Variants in TMCC1 observed in about 807,000 individuals in gnomAD.
TMCC1 encodes transmembrane and coiled-coil domain family 1, also known as transmembrane and coiled-coil domains protein 1.
A neutral mutation model predicts 52.4 loss-of-function variants in TMCC1; 15 were observed. That is an observed-to-expected ratio of 0.29 (90% CI 0.19 to 0.44). The LOEUF is 0.44. TMCC1 is among the 20% of genes least tolerant of loss of function. The pLI, the probability that TMCC1 is intolerant of heterozygous loss-of-function variation, is 1.00. For synonymous variants in TMCC1, 279 were observed against 301.9 expected (o/e 0.92, Z 0.79); for missense variants, 503 against 806.0 (o/e 0.62, Z 4.55).
At chr3:129,763,259 T>TA (rs1249650861) in intron 4 of TMCC1, among the ~76,000 whole-genome samples, 1 of 146,690 alleles carries the variant, frequency 6.8e-6, no homozygotes, top group East Asian at 2.0e-4. Context: ...AATATCATTA[T>TA]ATAGCCAGGT....
chr3:129,810,207 A>C (rs964943225), intron 4 of TMCC1, among the ~76,000 whole-genome samples: 1 of 152,072 alleles, frequency 6.6e-6, no homozygotes, highest in Non-Finnish European at 1.5e-5. Flanking sequence ...AACATACAAA[A>C]ATTAGCTGGG....
chr3:129,892,550 T>C (rs545112103), intron 1 of TMCC1: 1 of 152,180 alleles, frequency 6.6e-6, no homozygotes, highest in East Asian at 1.9e-4. Context: ...AAGAACAGAA[T>C]AAGCTAATTT....
chr3:129,688,417 T>C (rs1258913035), intron 4 of TMCC1: 1 of 985,458 alleles, frequency 1.0e-6, no homozygotes, highest in Non-Finnish European at 1.2e-6. Context: ...CCACTGGGAA[T>C]GCTTTCCCCC....
At chr3:129,749,866 A>G (rs1451314419) in intron 4 of TMCC1, among the ~76,000 whole-genome samples, 1 of 147,092 alleles carries the variant, frequency 6.8e-6, no homozygotes. Flanking sequence ...ATTTGAATCT[A>G]TGATTCAAAT....
chr3:129,742,413 AACAG>A (rs1380439158), intron 4 of TMCC1, among the ~76,000 whole-genome samples: 1 of 152,176 alleles, frequency 6.6e-6, no homozygotes, highest in Non-Finnish European at 1.5e-5. Flanking sequence ...AGAGGACCTG[AACAG>A]ACAGTTCTTC....
At chr3:129,795,376 C>G (rs909194331) in intron 4 of TMCC1, among the ~76,000 whole-genome samples, 13 of 152,166 alleles carry the variant, frequency 8.5e-5, no homozygotes, top group Non-Finnish European at 1.6e-4. Flanking sequence ...TTTAATGAAA[C>G]TTTCCAGTCT....
chr3:129,850,438 G>A (rs996415948), intron 2 of TMCC1, among the ~76,000 whole-genome samples: 1 of 152,134 alleles, frequency 6.6e-6, no homozygotes, highest in Non-Finnish European at 1.5e-5. Context: ...GAAATAACTT[G>A]CATCCAAAAT....
chr3:129,726,043 A>T (rs985670262), intron 4 of TMCC1, among the ~76,000 whole-genome samples: 1 of 152,220 alleles, frequency 6.6e-6, no homozygotes, highest in Admixed American at 6.5e-5. Context: ...GTATAGGTAC[A>T]GACAGGTACC....
rs755229838 is a variant in TMCC1 at position 129,651,527 on chromosome 3, T to A, written c.1916A>T (p.Asp639Val). The A allele has an allele frequency of 1.9e-6, 3 of 1,613,962 alleles. No individual in the cohort carries two copies. The African/African-American group carries it at 4.0e-5, about 22-fold the overall frequency. The change falls in exon 7 of 7, where the codon GAC becomes GTC. Residue 639 changes from aspartate to valine, a missense_variant. Transcript: ENST00000393238. This position sits in a 1 kb window ranked among gnomAD's most constrained non-coding sequence, Gnocchi z 5.1. ...VFIAFLWKHW[D>V]ALFSYVERFF... ...CCGTTCCACATAGCTGAAGAGGGCG[T>A]CCCAGTGCTTCCAGAGAAAGGCAAT...
At chr3:129,681,439 A>T (rs1340561071) in intron 4 of TMCC1, among the ~76,000 whole-genome samples, 2 of 152,028 alleles carry the variant, frequency 1.3e-5, no homozygotes, top group African/African-American at 2.4e-5. Context: ...AAGAATGATA[A>T]GTAGTCAACG....
chr3:129,721,058 C>T (rs954370478), intron 4 of TMCC1, among the ~76,000 whole-genome samples: 1 of 152,118 alleles, frequency 6.6e-6, no homozygotes, highest in Non-Finnish European at 1.5e-5. Context: ...TATTAAATCT[C>T]TCACACTCCC....
In TMCC1 at chr3:129,755,554, G is replaced by A. The variant is rs139815750; in HGVS notation, c.576+72249C>T. Among the ~76,000 whole-genome samples the A allele has an allele frequency of 7.4e-3, 1,123 of 152,174 alleles. 6 individuals are homozygous for A. The highest frequency in any genetic ancestry group is 0.011 in the Non-Finnish European group (745 of 67,996). On this transcript the variant is annotated intron_variant, in intron 4 of 6. Coordinates refer to ENST00000393238, the MANE Select transcript of TMCC1 (RefSeq NM_001017395.5). ...TAAAGAACTCTAAAACCTCAATAAT[G>A]AGAAAACAATATAATTTAAAATGGG...
At chr3:129,713,795 A>C (rs1375917838) in intron 4 of TMCC1, among the ~76,000 whole-genome samples, 1 of 152,078 alleles carries the variant, frequency 6.6e-6, no homozygotes, top group African/African-American at 2.4e-5. Context: ...CAGTTACAAT[A>C]AGCTTCTTCT....
chr3:129,709,497 A>AGAG (rs1553838680), intron 4 of TMCC1, among the ~76,000 whole-genome samples: 34 of 64,064 alleles, frequency 5.3e-4, no homozygotes, highest in East Asian at 4.6e-3. Flanking sequence ...AAAAAAAAAA[A>AGAG]AGAGAGAGAG....
At chr3:129,741,389 C>T (rs1008802859) in intron 4 of TMCC1, among the ~76,000 whole-genome samples, 8 of 152,192 alleles carry the variant, frequency 5.3e-5, no homozygotes, top group Non-Finnish European at 1.0e-4. Context: ...TTGACATTAT[C>T]TCCATTTTAT....
chr3:129,893,706 C>A lies in TMCC1; in HGVS notation c.-647G>T. 6.7e-6 allele frequency: 1 copy of A among 149,118 alleles called. No homozygotes were observed. The highest frequency in any genetic ancestry group is 1.8e-4 in the South Asian group (1 of 5,642). 9.2% of individuals were successfully genotyped at this position (149,118 alleles called of 1,614,324 possible). ...CCCGGCGCGGGAGGGCGAACCGGCG[C>A]GAGAGAGCGAGCGCGCGCGCGCCCC... On this transcript the variant is annotated 5_prime_UTR_variant, in exon 1 of 7. Coordinates refer to ENST00000393238, the MANE Select transcript of TMCC1 (RefSeq NM_001017395.5).
intron 4 of TMCC1, among the ~76,000 whole-genome samples, chr3:129,826,499 C>A (rs567695011): frequency 1.3e-5 from 2 of 152,066 alleles, no homozygotes; most frequent in East Asian, 1.9e-4. Flanking sequence ...CAGGGTAAGA[C>A]CCTGTCTCCA....
At chr3:129,869,467 C>A (rs1391455758) in intron 2 of TMCC1, among the ~76,000 whole-genome samples, 2 of 152,090 alleles carry the variant, frequency 1.3e-5, no homozygotes, top group East Asian at 3.9e-4. Flanking sequence ...TGCAGCCAAG[C>A]CAGACAGAAG....
chr3:129,821,357 C>G (rs780588793), intron 4 of TMCC1, among the ~76,000 whole-genome samples: 1 of 151,990 alleles, frequency 6.6e-6, no homozygotes, highest in Non-Finnish European at 1.5e-5. Context: ...TGACCTGCCC[C>G]AAAATACTCA....
Sources: gnomAD v4.1 joint callset for allele counts (sites outside exome capture counted in the v4.1 genomes callset) on GRCh38, gnomAD v4.1.1 for gene constraint, Gnocchi (gnomAD v3.1) non-coding constraint, MANE v1.5 for transcripts, NCBI Gene and HGNC (gene_info 2026-07-23, HGNC 2026-07-21) for gene names.